SOX6: variants seen among roughly 807,000 people sequenced by gnomAD.
SOX6 encodes SRY-box transcription factor 6.
Under a neutral mutation model 97.8 loss-of-function variants are expected in SOX6, and 11 were observed. The observed-to-expected ratio is 0.11, with a 90% CI of 0.07 to 0.19. The LOEUF (loss-of-function observed/expected upper bound fraction) is 0.19. Among genes scored for constraint, SOX6 ranks in the 10% least tolerant of loss-of-function variants. The pLI is 1.00. For synonymous variants in SOX6, 360 were observed against 371.4 expected (o/e 0.97, Z 0.35); for missense variants, 810 against 1,039.5 (o/e 0.78, Z 3.04).
chr11:16,151,501 G>A (rs917376360), intron 6 of SOX6, among the ~76,000 whole-genome samples: 7 of 151,928 alleles, frequency 4.6e-5, no homozygotes, highest in African/African-American at 1.5e-4. Context: ...TTTTTCTGTT[G>A]CTGTTAATTT....
chr11:16,528,927 G>A (rs1012216139), intron 4 of SOX6, among the ~76,000 whole-genome samples: 3 of 151,954 alleles, frequency 2.0e-5, no homozygotes, highest in African/African-American at 7.2e-5. Context: ...ATTCACTCTA[G>A]TGACTGTTTT....
intron 4 of SOX6, among the ~76,000 whole-genome samples, chr11:16,566,892 T>G (rs976754751): frequency 6.6e-6 from 1 of 152,232 alleles, no homozygotes; most frequent in Non-Finnish European, 1.5e-5. Flanking sequence ...ATAGGAGCAC[T>G]ATTCACAATA....
chr11:16,637,266 G>A (rs962985540), intron 3 of SOX6, among the ~76,000 whole-genome samples: 11 of 152,048 alleles, frequency 7.2e-5, no homozygotes, highest in African/African-American at 2.7e-4. Flanking sequence ...TATCGCCCAG[G>A]CTGGAGTGCA....
intron 1 of SOX6, among the ~76,000 whole-genome samples, chr11:16,347,415 C>T (rs892106001): frequency 2.0e-5 from 3 of 152,018 alleles, no homozygotes; most frequent in Non-Finnish European, 2.9e-5. Flanking sequence ...AGAGTAAAAC[C>T]TAACAATGGC....
At chr11:16,355,001 T>G (rs778186870) in intron 1 of SOX6, among the ~76,000 whole-genome samples, 1 of 152,070 alleles carries the variant, frequency 6.6e-6, no homozygotes, top group Non-Finnish European at 1.5e-5. Flanking sequence ...TACCTTAAAA[T>G]TCTCCTCTCA....
chr11:16,121,907 T>C (rs1292260208), intron 6 of SOX6, among the ~76,000 whole-genome samples: 5 of 152,168 alleles, frequency 3.3e-5, no homozygotes, highest in South Asian at 4.1e-4. Context: ...TCCATACAAA[T>C]GCATAATCTT....
At chr11:16,643,893 A>T (rs1314211792) in intron 3 of SOX6, among the ~76,000 whole-genome samples, 1 of 146,124 alleles carries the variant, frequency 6.8e-6, no homozygotes, top group Non-Finnish European at 1.5e-5. Flanking sequence ...TTCAGCTCAC[A>T]CTCGGTGCAC....
chr11:15,985,828 A>G (rs1289594254), intron 15 of SOX6, among the ~76,000 whole-genome samples: 2 of 152,174 alleles, frequency 1.3e-5, no homozygotes, highest in African/African-American at 4.8e-5. Context: ...TTAGAGTCAG[A>G]AGCACCACCC....
rs1205442859 is a variant in SOX6 at position 16,148,525 on chromosome 11, GT to G, written c.777+35360del. Among the ~76,000 whole-genome samples the G allele has an allele frequency of 3.3e-5, 5 of 152,208 alleles. No homozygotes were observed. In the East Asian group the frequency reaches 9.7e-4, roughly 29 times the overall value. On this transcript the variant is annotated intron_variant, in intron 6 of 15. Transcript: ENST00000683767. ...ACAAGAAATCTATGTCTATGAAACC[GT>G]GTTGGACAAAATGGGCCATTCATTG...
chr11:16,277,552 T>A (rs1268772568), intron 3 of SOX6, among the ~76,000 whole-genome samples: 1 of 152,132 alleles, frequency 6.6e-6, no homozygotes. Context: ...GCAGATAGAA[T>A]AAAAAGAAAA....
At chr11:16,262,808 GAGA>G (rs950760979) in intron 3 of SOX6, among the ~76,000 whole-genome samples, 1 of 152,020 alleles carries the variant, frequency 6.6e-6, no homozygotes, top group Non-Finnish European at 1.5e-5. Flanking sequence ...TCAAAGTGCA[GAGA>G]AGAATTCTTA....
At chr11:16,573,004 C>A (rs72859470) in intron 4 of SOX6, among the ~76,000 whole-genome samples, 1 of 152,256 alleles carries the variant, frequency 6.6e-6, no homozygotes, top group Non-Finnish European at 1.5e-5. Flanking sequence ...ATATTTAATT[C>A]CATTCTTTAA....
intron 4 of SOX6, among the ~76,000 whole-genome samples, chr11:16,223,721 G>A (rs371946845): frequency 6.6e-6 from 1 of 152,046 alleles, no homozygotes; most frequent in Non-Finnish European, 1.5e-5. Flanking sequence ...CACACAGGGC[G>A]ATTACAGATG....
At chr11:16,598,609 T>C (rs1027799264) in intron 4 of SOX6, among the ~76,000 whole-genome samples, 1 of 151,522 alleles carries the variant, frequency 6.6e-6, no homozygotes, top group Non-Finnish European at 1.5e-5. Flanking sequence ...AAGTATAAAA[T>C]GTAGCATTTG....
At chr11:16,273,486 A>G (rs1854312717) in intron 3 of SOX6, among the ~76,000 whole-genome samples, 1 of 151,942 alleles carries the variant, frequency 6.6e-6, no homozygotes, top group Non-Finnish European at 1.5e-5. Flanking sequence ...ATCCCCATTC[A>G]AATTGCAAAA....
At chr11:16,175,845 A>T (rs748735277) in intron 6 of SOX6, among the ~76,000 whole-genome samples, 14 of 151,878 alleles carry the variant, frequency 9.2e-5, no homozygotes, top group Non-Finnish European at 1.9e-4. Flanking sequence ...TCTGATGTCT[A>T]TACAATTTTA....
intron 1 of SOX6, among the ~76,000 whole-genome samples, chr11:16,443,641 G>T (rs1026921161): frequency 3.3e-5 from 5 of 152,052 alleles, no homozygotes; most frequent in Non-Finnish European, 5.9e-5. Context: ...ATTGCATATT[G>T]CTGGGGTTTG....
Position 16,543,142 on chromosome 11 carries a change from C to T in SOX6, n.610-66754G>A, listed in dbSNP as rs574228682. Reference sequence around the variant, plus strand: ...AGGCAATGTACATTATTAAGGAACTCTTTATCTTGGAACTCTTTATCTTAA... The same window carrying T: ...AGGCAATGTACATTATTAAGGAACTTTTTATCTTGGAACTCTTTATCTTAA... On this transcript the variant is annotated intron_variant and non_coding_transcript_variant, in intron 4 of 5. Transcript: ENST00000524520. Among the ~76,000 whole-genome samples, 6 of 152,186 alleles carry T rather than the reference C, an allele frequency of 3.9e-5. No homozygotes were observed. The East Asian group carries it at 1.2e-3, about 29-fold the overall frequency.
intron 3 of SOX6, chr11:16,264,833 C>T (rs1284318965): frequency 1.5e-5 from 2 of 129,518 alleles, no homozygotes; most frequent in Non-Finnish European, 1.6e-5. Context: ...AAGACGGAGG[C>T]TGAATTTACC....
Sources: allele counts gnomAD v4.1 joint callset (sites outside exome capture counted in the v4.1 genomes callset), GRCh38; gene constraint gnomAD v4.1.1; transcripts MANE v1.5; gene names NCBI Gene and HGNC (gene_info 2026-07-23, HGNC 2026-07-21).